TNNT3: variants seen among roughly 807,000 people sequenced by gnomAD.
TNNT3 encodes troponin T3, fast skeletal type.
Under a neutral mutation model 54.2 loss-of-function variants are expected in TNNT3, and 36 were observed. The ratio of observed to expected loss-of-function variants is 0.66; its 90% confidence interval spans 0.51 to 0.88. The LOEUF is 0.88. Among genes scored for constraint, TNNT3 ranks in the 40% least tolerant of loss-of-function variants. TNNT3 has a pLI of 0.00. For synonymous variants in TNNT3, 120 were observed against 109.7 expected, an observed-to-expected ratio of 1.09 and a Z score of -0.59; for missense variants, 291 against 331.6, an observed-to-expected ratio of 0.88 and a Z score of 0.95.
chr11:1,923,330 G>A (rs907856198), intron 3 of TNNT3, among the ~76,000 whole-genome samples: 4 of 151,972 alleles, frequency 2.6e-5, no homozygotes, highest in African/African-American at 7.3e-5. Flanking sequence ...ACTGTGGGAC[G>A]TGGGCATCCA....
Position 1,934,455 on chromosome 11 carries a change from G to T in TNNT3, c.480+10G>T, listed in dbSNP as rs188255267. The T allele has an allele frequency of 1.8e-3, 2,920 of 1,612,268 alleles. 87 individuals carry two copies. In the Admixed American group the frequency reaches 0.045, roughly 25 times the overall value. ...CAGCTACCTGGCCAAGGTGTGTGCC[G>T]CTGCTGGGAGCACGGTGGTAGCCTT... is the stretch of plus-strand genomic sequence containing the variant. On this transcript the variant is annotated intron_variant, in intron 12 of 15. Transcript: ENST00000278317.
At position 1,934,440 on chromosome 11, in the gene TNNT3, G is replaced by T. The variant is rs779482083; in HGVS notation, c.475G>T (p.Ala159Ser). 6.2e-7 allele frequency: 1 copy of T among 1,613,492 alleles called. No homozygotes were observed. The highest frequency in any genetic ancestry group is 8.5e-7 in the Non-Finnish European group (1 of 1,179,962). ...GGGAGCCAACTACAGCAGCTACCTG[G>T]CCAAGGTGTGTGCCGCTGCTGGGAG... Reference protein sequence around the residue: ...SMGANYSSYLAKADQKRGKKQ... With the variant: ...SMGANYSSYLSKADQKRGKKQ... The change falls in exon 12 of 16, where the codon GCC becomes TCC. Residue 159 changes from alanine (A) to serine (S), a missense_variant. Ala to Ser is a moderately conservative substitution (Grantham distance 99). Transcript: ENST00000278317.
chr11:1,928,803 G>A (rs572768127), intron 6 of TNNT3, among the ~76,000 whole-genome samples: 3 of 150,988 alleles, frequency 2.0e-5, no homozygotes, highest in Non-Finnish European at 3.0e-5. Flanking sequence ...AGGACAGACC[G>A]GGGGGACAGA....
Position 1,934,073 on chromosome 11 carries a change from G to A in TNNT3, c.366+65G>A. 11 of 1,516,844 alleles carry A rather than the reference G, an allele frequency of 7.3e-6. 1 individual carries two copies. The South Asian group carries it at 1.0e-4, about 14-fold the overall frequency. The allele number at this position is 1,516,844 out of a possible 1,614,324, so 94.0% of individuals were successfully genotyped here. On this transcript the variant is annotated intron_variant, in intron 11 of 15. Transcript: ENST00000278317. ...AGCCCCAGGCCCAGAGAAATGCAGG[G>A]GGCTGAGGCCTTCCTTCTCCCGGGG...
chr11:1,934,967 C>A (rs763468036), intron 14 of TNNT3, 48 bp downstream of exon 14: 9 of 1,568,688 alleles, frequency 5.7e-6, no homozygotes, highest in African/African-American at 1.3e-5. Context: ...CTTTCACCCA[C>A]CAGCAGAGCA....
In TNNT3 at chr11:1,929,767, C is replaced by A. The variant is rs372200170; in HGVS notation, c.107-43C>A. 7.2e-4 allele frequency: 1,113 copies of A among 1,551,480 alleles called. 4 individuals are homozygous for A. Among genetic ancestry groups the A allele is most frequent in the Middle Eastern group, 4.4e-3 (26 of 5,856 alleles). On this transcript the variant is annotated intron_variant, in intron 7 of 15. Coordinates refer to ENST00000278317, the MANE Select transcript of TNNT3 (RefSeq NM_006757.4). ...CCCAGGCTGTCTCTCTCCCTCTCCC[C>A]ACGCTGGTGTCCCTCTCCCTACGCT... is the stretch of plus-strand genomic sequence containing the variant.
chr11:1,926,475 G>C (rs1189503804), intron 5 of TNNT3: 1 of 1,613,240 alleles, frequency 6.2e-7, no homozygotes, highest in Non-Finnish European at 8.5e-7. Context: ...TGAAGTTCAT[G>C]AACCAGGTAC....
intron 6 of TNNT3, 132 bp downstream of exon 6, chr11:1,926,841 G>C (rs1283630330): frequency 1.6e-6 from 2 of 1,216,050 alleles, no homozygotes; most frequent in Non-Finnish European, 2.4e-6. Context: ...CTCTGGGCTG[G>C]GGACAGAGTG....
chr11:1,922,934 C>A (rs768044696), intron 2 of TNNT3, 43 bp downstream of exon 2: 1 of 1,613,744 alleles, frequency 6.2e-7, no homozygotes, highest in African/African-American at 1.3e-5. Flanking sequence ...GGCTCGGGAC[C>A]CTGGCCCCTT....
At chr11:1,927,721 C>A (rs1206575418) in intron 6 of TNNT3, 1 of 152,458 alleles carries the variant, frequency 6.6e-6, no homozygotes, top group African/African-American at 2.4e-5. Context: ...TGTGTGCTCG[C>A]TCCCCGAAAT....
At position 1,938,608 on chromosome 11, in the gene TNNT3, C is replaced by A. The variant is rs1432636772; in HGVS notation, c.*116C>A. 4 of 1,147,520 alleles carry A rather than the reference C, an allele frequency of 3.5e-6. No homozygotes were observed. The highest frequency in any genetic ancestry group is 3.0e-5 in the African/African-American group (2 of 65,798). The allele number at this position is 1,147,520 out of a possible 1,614,324, so 71.1% of individuals were successfully genotyped here. On this transcript the variant is annotated 3_prime_UTR_variant, in exon 16 of 16. Transcript: ENST00000278317. Reference sequence around the variant, plus strand: ...ATCCTGTCAGGGGCTCCCTGACAGTCCTGGGGGTGGAGAGGCCATCCCGGG... The same window carrying A: ...ATCCTGTCAGGGGCTCCCTGACAGTACTGGGGGTGGAGAGGCCATCCCGGG...
At chr11:1,932,106 C>T (rs1214142922) in intron 8 of TNNT3, among the ~76,000 whole-genome samples, 2 of 152,338 alleles carry the variant, frequency 1.3e-5, no homozygotes, top group East Asian at 3.9e-4. Flanking sequence ...CCACCGCCAC[C>T]CACAGTGGCC....
chr11:1,922,775 C>G, intron 1 of TNNT3, 82 bp from the exon 2 acceptor site: 1 of 1,413,164 alleles, frequency 7.1e-7, no homozygotes, highest in Non-Finnish European at 9.9e-7. Flanking sequence ...CTCCAAGACC[C>G]CATCCCCCAT....
At chr11:1,934,301 C>T (rs1357183985) in intron 11 of TNNT3, 31 bp from the exon 12 acceptor site, 2 of 1,595,542 alleles carry the variant, frequency 1.3e-6, no homozygotes, top group South Asian at 1.1e-5. Context: ...TCTCTCCATC[C>T]CTGAGCATCT....
At chr11:1,922,046 TG>T (rs961267327) in intron 1 of TNNT3, among the ~76,000 whole-genome samples, 1 of 151,872 alleles carries the variant, frequency 6.6e-6, no homozygotes, top group African/African-American at 2.4e-5. Context: ...GGGAGGGAAA[TG>T]GGGGGGCTGT....
intron 14 of TNNT3, 95 bp downstream of exon 14, chr11:1,935,014 C>A: frequency 1.6e-6 from 2 of 1,218,026 alleles, no homozygotes; most frequent in Non-Finnish European, 2.4e-6. Flanking sequence ...TCTGGACCTG[C>A]CCACCCCAGG....
intron 10 of TNNT3, 29 bp downstream of exon 10, chr11:1,933,866 G>T: frequency 6.2e-7 from 1 of 1,612,174 alleles, no homozygotes; most frequent in Non-Finnish European, 8.5e-7. Flanking sequence ...GTTGCAGCAG[G>T]GGCTGGTGGA....
Position 1,934,436 on chromosome 11 carries a change from C to A in TNNT3, c.471C>A (p.Tyr157Ter). The change falls in exon 12 of 16, where the codon TAC becomes TAA. Residue 157 changes from tyrosine to a stop codon, truncating the protein, a stop_gained. Transcript: ENST00000278317. LOFTEE classifies it high-confidence loss of function. The part of the protein sequence containing the change: ...LSSMGANYSS[Y>*]LAKADQKRGK... ...CCATGGGAGCCAACTACAGCAGCTACCTGGCCAAGGTGTGTGCCGCTGCTG... is the reference window on the plus strand; with the variant it reads ...CCATGGGAGCCAACTACAGCAGCTAACTGGCCAAGGTGTGTGCCGCTGCTG... 1 of 1,613,612 alleles carries A rather than the reference C, an allele frequency of 6.2e-7. No homozygotes were observed. The highest frequency in any genetic ancestry group is 8.5e-7 in the Non-Finnish European group (1 of 1,180,014).
intron 14 of TNNT3, 53 bp downstream of exon 14, chr11:1,934,972 A>T: frequency 6.4e-7 from 1 of 1,553,812 alleles, no homozygotes; most frequent in African/African-American, 1.4e-5. Flanking sequence ...ACCCACCAGC[A>T]GAGCAGCCAT....
Sources: gnomAD v4.1 joint callset for allele counts (sites outside exome capture counted in the v4.1 genomes callset) on GRCh38, gnomAD v4.1.1 for gene constraint, MANE v1.5 for transcripts, NCBI Gene and HGNC (gene_info 2026-07-23, HGNC 2026-07-21) for gene names.